The following CCBE1 variants were observed in gnomAD, a reference collection of about 807,000 sequenced individuals.
The protein encoded by CCBE1 is collagen and calcium binding EGF domains 1, also known as collagen and calcium-binding EGF domain-containing protein 1.
CCBE1 carries 37 observed loss-of-function variants against 50.0 expected under a neutral mutation model. That is an observed-to-expected ratio of 0.74 (90% CI 0.57 to 0.97). CCBE1 has a LOEUF of 0.97. Among genes scored for constraint, CCBE1 ranks in the 50% least tolerant of loss-of-function variants. The pLI, the probability that CCBE1 is intolerant of heterozygous loss-of-function variation, is 0.00. For missense variants in CCBE1, 538 were observed against 523.8 expected (o/e 1.03, Z -0.26); for synonymous variants, 234 against 203.7 (o/e 1.15, Z -1.27).
chr18:59,516,205 C>T (rs56226441), intron 2 of CCBE1, among the ~76,000 whole-genome samples: 7 of 151,124 alleles, frequency 4.6e-5, no homozygotes, highest in Admixed American at 6.6e-5. Context: ...GTGATCCACC[C>T]GCCTCAGCCT....
intron 2 of CCBE1, among the ~76,000 whole-genome samples, chr18:59,649,097 G>A (rs963318027): frequency 1.3e-5 from 2 of 152,162 alleles, no homozygotes; most frequent in African/African-American, 4.8e-5. Flanking sequence ...AAACTTCAAT[G>A]TGTATTTCTA....
chr18:59,599,742 A>C (rs1251544040), intron 2 of CCBE1, among the ~76,000 whole-genome samples: 1 of 152,230 alleles, frequency 6.6e-6, no homozygotes, highest in African/African-American at 2.4e-5. Context: ...CTACCTGAAG[A>C]ATTAATGCAG....
chr18:59,663,092 G>A (rs1014333678), intron 2 of CCBE1, among the ~76,000 whole-genome samples: 15 of 142,178 alleles, frequency 1.1e-4, no homozygotes, highest in African/African-American at 3.9e-4. Context: ...CATGTGCTAG[G>A]CACCAGGCTT....
At chr18:59,643,527 G>A (rs2054017251) in intron 2 of CCBE1, among the ~76,000 whole-genome samples, 3 of 152,294 alleles carry the variant, frequency 2.0e-5, no homozygotes, top group South Asian at 4.1e-4. Flanking sequence ...GGCCAGGCGT[G>A]GTGGCTCACG....
Position 59,668,308 on chromosome 18 carries a change from C to T in CCBE1, c.212+28321G>A, listed in dbSNP as rs888702093. 2.0e-5 allele frequency among the ~76,000 whole-genome samples: 3 copies of T among 152,090 alleles called. 1 individual carries two copies. The highest frequency in any genetic ancestry group is 3.9e-4 in the East Asian group (2 of 5,178). ...TGGTGGGTGCCTGTGATCCCAGCTA[C>T]TCTGGAGGCTGAAGCAGAGAATTCC... On this transcript the variant is annotated intron_variant, in intron 2 of 10. Transcript: ENST00000439986.
At chr18:59,693,957 C>T (rs1385272110) in intron 2 of CCBE1, among the ~76,000 whole-genome samples, 2 of 146,504 alleles carry the variant, frequency 1.4e-5, no homozygotes, top group East Asian at 2.1e-4. Flanking sequence ...CTGCAACCTC[C>T]GCCTCCTGGT....
At chr18:59,664,584 C>T (rs1011709890) in intron 2 of CCBE1, among the ~76,000 whole-genome samples, 1 of 152,136 alleles carries the variant, frequency 6.6e-6, no homozygotes, top group Non-Finnish European at 1.5e-5. Context: ...AACATAAACC[C>T]TTTAGTCATG....
chr18:59,610,444 C>A (rs1170357954), intron 2 of CCBE1, among the ~76,000 whole-genome samples: 1 of 147,810 alleles, frequency 6.8e-6, no homozygotes, highest in Non-Finnish European at 1.5e-5. Context: ...AAGTAACAAG[C>A]CAACATACCA....
At chr18:59,447,695 A>G (rs1197189365) in intron 7 of CCBE1, among the ~76,000 whole-genome samples, 1 of 152,134 alleles carries the variant, frequency 6.6e-6, no homozygotes, top group Non-Finnish European at 1.5e-5. Flanking sequence ...AAGGTTTAAG[A>G]TAGTTTTCAT....
At chr18:59,483,968 CTCT>C (rs1912696638) in intron 2 of CCBE1, among the ~76,000 whole-genome samples, 1 of 152,252 alleles carries the variant, frequency 6.6e-6, no homozygotes, top group Admixed American at 6.5e-5. Flanking sequence ...GTCCAGAGTG[CTCT>C]TATTAGACAT....
Position 59,674,060 on chromosome 18 carries a change from T to TCCG in CCBE1, c.212+22566_212+22568dup, listed in dbSNP as rs564049267. 1.1e-4 allele frequency among the ~76,000 whole-genome samples: 16 copies of TCCG among 152,330 alleles called. 1 individual carries two copies. The East Asian group carries it at 2.9e-3, about 28-fold the overall frequency. On this transcript the variant is annotated intron_variant, in intron 2 of 10. Coordinates refer to ENST00000439986, the MANE Select transcript of CCBE1 (RefSeq NM_133459.4). The stretch of plus-strand genomic sequence containing the variant: ...ACCTCTGGTAGAATTCAGCTATGAA[T>TCCG]CCGTCTGGTCCCAGGCTCTTTTTGG...
At chr18:59,582,431 C>T (rs2053099529) in intron 2 of CCBE1, among the ~76,000 whole-genome samples, 1 of 152,208 alleles carries the variant, frequency 6.6e-6, no homozygotes, top group Non-Finnish European at 1.5e-5. Context: ...CCAGACCACA[C>T]CATGAATGCC....
chr18:59,545,092 A>C (rs553304788), intron 2 of CCBE1, among the ~76,000 whole-genome samples: 1 of 152,328 alleles, frequency 6.6e-6, no homozygotes, highest in African/African-American at 2.4e-5. Context: ...CCAGAATAGA[A>C]AATAAGCTGA....
chr18:59,435,528 C>G lies in CCBE1; in HGVS notation c.*380G>C, dbSNP rs2143602508. On this transcript the variant is annotated 3_prime_UTR_variant, in exon 11 of 11. Coordinates refer to ENST00000439986, the MANE Select transcript of CCBE1 (RefSeq NM_133459.4). ...GAAGTAGCCTCACATTTTCTTAGAG[C>G]TCACTTTGTCATTTTCCCCCTTTTG... 3.3e-6 allele frequency: 1 copy of G among 302,982 alleles called. No homozygotes were observed. Among genetic ancestry groups the G allele is most frequent in the Middle Eastern group, 1.2e-3 (1 of 860 alleles). 18.8% of individuals were successfully genotyped at this position (302,982 alleles called of 1,614,324 possible).
chr18:59,555,945 G>A (rs754527136), intron 2 of CCBE1, among the ~76,000 whole-genome samples: 4 of 152,194 alleles, frequency 2.6e-5, no homozygotes, highest in Non-Finnish European at 5.9e-5. Flanking sequence ...AGAAAGTGCC[G>A]GAGGGAAGCT....
At chr18:59,519,911 T>C (rs907955856) in intron 2 of CCBE1, among the ~76,000 whole-genome samples, 1 of 152,134 alleles carries the variant, frequency 6.6e-6, no homozygotes, top group African/African-American at 2.4e-5. Context: ...TTTTTCCAAC[T>C]CCATTTATTA....
At chr18:59,641,652 A>G (rs896287991) in intron 2 of CCBE1, among the ~76,000 whole-genome samples, 7 of 152,240 alleles carry the variant, frequency 4.6e-5, no homozygotes, top group African/African-American at 1.7e-4. Context: ...CCTGAAAAAC[A>G]AAGTAGAGAT....
chr18:59,626,526 C>T (rs890722301), intron 2 of CCBE1, among the ~76,000 whole-genome samples: 1 of 152,248 alleles, frequency 6.6e-6, no homozygotes, highest in Non-Finnish European at 1.5e-5. Flanking sequence ...ATACCACTTA[C>T]TCTGTGCCAG....
chr18:59,636,662 A>G (rs572388779), intron 2 of CCBE1, among the ~76,000 whole-genome samples: 1 of 152,338 alleles, frequency 6.6e-6, no homozygotes, highest in East Asian at 1.9e-4. Context: ...AACAAAACAG[A>G]ATGTTTACCA....
Sources: gnomAD v4.1 joint callset for allele counts (sites outside exome capture counted in the v4.1 genomes callset) on GRCh38, gnomAD v4.1.1 for gene constraint, MANE v1.5 for transcripts, NCBI Gene and HGNC (gene_info 2026-07-23, HGNC 2026-07-21) for gene names.